The following RAP1GAP2 variants were observed in gnomAD, a reference collection of about 807,000 sequenced individuals.
The protein encoded by RAP1GAP2 is RAP1 GTPase activating protein 2, also known as rap1 GTPase-activating protein 2.
Under a neutral mutation model 95.0 loss-of-function variants are expected in RAP1GAP2, and 27 were observed. The ratio of observed to expected loss-of-function variants is 0.28; its 90% CI spans 0.21 to 0.39. The LOEUF is 0.39. Among genes scored for constraint, RAP1GAP2 ranks in the 10% least tolerant of loss-of-function variants. The pLI is 1.00. For synonymous variants in RAP1GAP2, 373 were observed against 380.9 expected (o/e 0.98, Z 0.24); for missense variants, 771 against 970.0 (o/e 0.79, Z 2.72).
In RAP1GAP2 at chr17:2,811,557, G is replaced by A. The variant is rs532007220; in HGVS notation, c.80+11007G>A. 2.7e-4 allele frequency among the ~76,000 whole-genome samples: 41 copies of A among 152,242 alleles called. No homozygotes were observed. In the South Asian group the frequency reaches 8.1e-3, roughly 30 times the overall value. On this transcript the variant is annotated intron_variant, in intron 2 of 24. Transcript: ENST00000254695. ...ATTTTATAACAGCAGCTGGAAATCC[G>A]TTTCTTTGTGTGTGTATTTTTTTGT... is the stretch of plus-strand genomic sequence containing the variant.
intron 4 of RAP1GAP2, among the ~76,000 whole-genome samples, chr17:2,960,402 G>C (rs1168518591): frequency 6.6e-6 from 1 of 152,174 alleles, no homozygotes; most frequent in Non-Finnish European, 1.5e-5. Flanking sequence ...GGGCCACCCA[G>C]GTGGCTTTGT....
chr17:2,885,028 CTTTTTT>C (rs891984333), intron 2 of RAP1GAP2, among the ~76,000 whole-genome samples: 6 of 112,504 alleles, frequency 5.3e-5, no homozygotes, highest in African/African-American at 1.8e-4. Flanking sequence ...TTATTTCTTT[CTTTTTT>C]TTTTTTTTTT....
At chr17:2,843,593 C>T (rs975692654) in intron 2 of RAP1GAP2, among the ~76,000 whole-genome samples, 4 of 151,988 alleles carry the variant, frequency 2.6e-5, no homozygotes, top group African/African-American at 9.7e-5. Context: ...GGCCCAATTT[C>T]CCCATTTGGT....
Position 2,815,629 on chromosome 17 carries a change from G to A in RAP1GAP2, c.80+15079G>A, listed in dbSNP as rs1053836240. The stretch of plus-strand genomic sequence containing the variant: ...CTTGAGTAGCTGGGATTACAGGCGC[G>A]CACCACCACGCCCAGCTAATTTTTG... On this transcript the variant is annotated intron_variant, in intron 2 of 24. Transcript: ENST00000254695. 5.9e-5 allele frequency among the ~76,000 whole-genome samples: 9 copies of A among 151,864 alleles called. No individual in the cohort carries two copies. In the South Asian group the frequency reaches 1.9e-3, roughly 32 times the overall value.
chr17:2,990,704 T>C (rs1024348898), intron 11 of RAP1GAP2, among the ~76,000 whole-genome samples: 11 of 152,284 alleles, frequency 7.2e-5, no homozygotes, highest in African/African-American at 2.6e-4. Context: ...CAGCGTGTGA[T>C]GGTTCTGATT....
rs1037337489 is a variant in RAP1GAP2 at position 2,769,137 on chromosome 17, C to T, written c.51-1192C>T. Among the ~76,000 whole-genome samples the T allele has an allele frequency of 5.4e-5, 8 of 147,338 alleles. 1 individual carries two copies. Among genetic ancestry groups the T allele is most frequent in the Admixed American group, 3.5e-4 (5 of 14,282 alleles). On this transcript the variant is annotated intron_variant, in intron 1 of 25. Transcript: ENST00000637138. ...GTCCTAGCTACTCAAGATACCGAGGCGAGAGGATTGCTTGAGTCCACAGGT... is the reference window on the plus strand; with the variant it reads ...GTCCTAGCTACTCAAGATACCGAGGTGAGAGGATTGCTTGAGTCCACAGGT...
chr17:2,979,328 CCCAAATATAT>C (rs1432794487), intron 8 of RAP1GAP2, among the ~76,000 whole-genome samples: 1 of 152,112 alleles, frequency 6.6e-6, no homozygotes, highest in African/African-American at 2.4e-5. Context: ...CATGACGAAA[CCCAAATATAT>C]CCAGAAGCTG....
intron 2 of RAP1GAP2, among the ~76,000 whole-genome samples, chr17:2,852,439 A>G (rs1304634806): frequency 6.6e-6 from 1 of 151,986 alleles, no homozygotes; most frequent in African/African-American, 2.4e-5. Context: ...CTCCACCCCA[A>G]CTCCAGTGCC....
chr17:2,828,697 C>T (rs1056617265), intron 2 of RAP1GAP2, among the ~76,000 whole-genome samples: 7 of 152,154 alleles, frequency 4.6e-5, no homozygotes, highest in Admixed American at 2.0e-4. Flanking sequence ...GTGATTCTGG[C>T]TGTGGGCTCA....
intron 2 of RAP1GAP2, among the ~76,000 whole-genome samples, chr17:2,832,409 T>G (rs1392367425): frequency 2.0e-5 from 3 of 149,614 alleles, no homozygotes; most frequent in African/African-American, 7.4e-5. Flanking sequence ...ATACAAAAAA[T>G]TACCCAGGTG....
chr17:2,781,892 G>A (rs528840707), intron 1 of RAP1GAP2, among the ~76,000 whole-genome samples: 3 of 150,994 alleles, frequency 2.0e-5, no homozygotes, highest in East Asian at 2.0e-4. Context: ...GTGTGTGCAC[G>A]TCTCTGTGTG....
chr17:2,875,944 GT>G (rs35435061), intron 2 of RAP1GAP2, among the ~76,000 whole-genome samples: 13 of 145,072 alleles, frequency 9.0e-5, no homozygotes, highest in Admixed American at 4.2e-4. Context: ...TTGTTTGTTT[GT>G]TTTTTTTTTT....
chr17:2,916,723 T>C (rs1238834301), intron 3 of RAP1GAP2, among the ~76,000 whole-genome samples: 1 of 152,192 alleles, frequency 6.6e-6, no homozygotes. Flanking sequence ...ACGCAGGTGC[T>C]CCGTGATGGA....
intron 2 of RAP1GAP2, among the ~76,000 whole-genome samples, chr17:2,888,546 C>T (rs1317846788): frequency 6.6e-6 from 1 of 152,136 alleles, no homozygotes; most frequent in African/African-American, 2.4e-5. Context: ...GCTTATTTCA[C>T]TTCCCATAAT....
Position 2,965,049 on chromosome 17 carries a change from A to G in RAP1GAP2, c.493-491A>G, listed in dbSNP as rs2044529720. 1 of 157,936 alleles carries G rather than the reference A, an allele frequency of 6.3e-6. No individual in the cohort carries two copies. The allele number at this position is 157,936 out of a possible 1,614,324, so 9.8% of individuals were successfully genotyped here. A position where few individuals can be genotyped will look rare whatever the true frequency, so the allele number is the denominator to read the frequency against. On this transcript the variant is annotated intron_variant, in intron 7 of 24. Transcript: ENST00000254695. The surrounding 1 kb of genome is among the most constrained non-coding windows in gnomAD (Gnocchi z 4.7). The stretch of plus-strand genomic sequence containing the variant: ...GACCCACTGGCTCAGGACACCTCCC[A>G]GCTCCCCTGGGTGGAGGTGCCAGGG...
In RAP1GAP2 at chr17:2,883,501, C is replaced by T. The variant is rs559742314; in HGVS notation, c.81-21783C>T. Among the ~76,000 whole-genome samples, 12 of 152,330 alleles carry T rather than the reference C, an allele frequency of 7.9e-5. No individual in the cohort carries two copies. The South Asian group carries it at 1.2e-3, about 16-fold the overall frequency. ...GCCTTGATGGAGAGGGAAGCGCCTT[C>T]GATCTAAAAGCTTCCAAAAGCTTCT... On this transcript the variant is annotated intron_variant, in intron 2 of 24. Coordinates refer to ENST00000254695, the MANE Select transcript of RAP1GAP2 (RefSeq NM_015085.5).
rs71153304 is a variant in RAP1GAP2, at chr17:2,838,016, CTTTTTTTTT to C, written c.80+37478_80+37486del. ...TGATGTTCATGTTCTTTCTTTTTTCCTTTTTTTTTTTTTTTTTTTTGAGACAGAGTCTCG... is the reference window on the plus strand; with the variant it reads ...TGATGTTCATGTTCTTTCTTTTTTCCTTTTTTTTTTTGAGACAGAGTCTCG... On this transcript the variant is annotated intron_variant, in intron 2 of 24. Transcript: ENST00000254695. 1.6e-4 allele frequency among the ~76,000 whole-genome samples: 15 copies of C among 94,450 alleles called. 1 individual carries two copies. The highest frequency in any genetic ancestry group is 0.021 in the Middle Eastern group (2 of 94). The allele number at this position is 94,450 out of a possible 152,430, so 62.0% of individuals were successfully genotyped here. A position where few individuals can be genotyped will look rare whatever the true frequency, so the allele number is the denominator to read the frequency against.
intron 2 of RAP1GAP2, among the ~76,000 whole-genome samples, chr17:2,869,408 G>C (rs1335167118): frequency 6.6e-6 from 1 of 150,862 alleles, no homozygotes; most frequent in Admixed American, 6.6e-5. Flanking sequence ...AAATGCCACT[G>C]AATTGCAAAC....
chr17:2,932,019 C>T (rs55745924), intron 3 of RAP1GAP2, among the ~76,000 whole-genome samples: 16,889 of 152,250 alleles, frequency 0.11, 1,291 homozygotes, highest in Middle Eastern at 0.18. Flanking sequence ...GTTCTCAGTC[C>T]GGCGCATTTG....
Sources: gnomAD v4.1 joint callset for allele counts (sites outside exome capture counted in the v4.1 genomes callset) on GRCh38, gnomAD v4.1.1 for gene constraint, Gnocchi (gnomAD v3.1) non-coding constraint, MANE v1.5 for transcripts, NCBI Gene and HGNC (gene_info 2026-07-23, HGNC 2026-07-21) for gene names.